The following KDM4B variants were observed in gnomAD, a reference collection of about 807,000 sequenced individuals.
The protein encoded by KDM4B is lysine demethylase 4B.
A neutral mutation model predicts 125.2 loss-of-function variants in KDM4B; 32 were observed. The observed-to-expected ratio is 0.26, with a 90% CI of 0.19 to 0.34. The LOEUF (loss-of-function observed/expected upper bound fraction) is 0.34, where lower values mean the gene tolerates loss of function less well. Ranked by LOEUF, KDM4B falls within the 10% of genes least tolerant of loss-of-function variation. The probability of loss-of-function intolerance (pLI) is 1.00; values close to 1 mark genes in which losing one functional copy is unlikely to be tolerated. For synonymous variants in KDM4B, 721 were observed against 677.9 expected, an observed-to-expected ratio of 1.06 and a Z score of -0.99; for missense variants, 1,190 against 1,577.7, an observed-to-expected ratio of 0.75 and a Z score of 4.16.
chr19:4,984,857 G>A (rs1445693167), intron 1 of KDM4B, among the ~76,000 whole-genome samples: 1 of 152,060 alleles, frequency 6.6e-6, no homozygotes, highest in East Asian at 1.9e-4. Context: ...TGTACCTGGG[G>A]GTCTGGCACC....
chr19:5,028,915 T>A (rs775823164), intron 2 of KDM4B, among the ~76,000 whole-genome samples: 1 of 152,094 alleles, frequency 6.6e-6, no homozygotes, highest in Non-Finnish European at 1.5e-5. Context: ...TTTTTGCTGG[T>A]TTTTTAGACA....
chr19:4,971,580 G>C lies in KDM4B; in HGVS notation c.-109+2350G>C, dbSNP rs1010307904. ...GCGTTCACCTGGTCTGGGGCTGCTAGGTTTCCAGTGCCGAGTGCCATGCCG... is the reference window on the plus strand; with the variant it reads ...GCGTTCACCTGGTCTGGGGCTGCTACGTTTCCAGTGCCGAGTGCCATGCCG... On this transcript the variant is annotated intron_variant, in intron 1 of 22. Coordinates refer to ENST00000159111, the MANE Select transcript of KDM4B (RefSeq NM_015015.3). This position sits in a 1 kb window ranked among gnomAD's most constrained non-coding sequence, Gnocchi z 4.1. Among the ~76,000 whole-genome samples, 2 of 152,168 alleles carry C rather than the reference G, an allele frequency of 1.3e-5. No individual in the cohort carries two copies. The highest frequency in any genetic ancestry group is 1.9e-4 in the East Asian group (1 of 5,198).
chr19:5,000,662 T>C (rs1429510629), intron 1 of KDM4B, among the ~76,000 whole-genome samples: 1 of 152,230 alleles, frequency 6.6e-6, no homozygotes, highest in Non-Finnish European at 1.5e-5. Context: ...CAAACTGTAT[T>C]TAAAAGTTTA....
chr19:5,091,444 G>A (rs1406361379), intron 9 of KDM4B, among the ~76,000 whole-genome samples: 1 of 152,092 alleles, frequency 6.6e-6, no homozygotes, highest in Non-Finnish European at 1.5e-5. Context: ...GCTGAGCTTG[G>A]GAAGGGGACG....
chr19:5,033,907 G>A (rs1305564870), intron 3 of KDM4B, among the ~76,000 whole-genome samples: 1 of 152,242 alleles, frequency 6.6e-6, no homozygotes, highest in East Asian at 1.9e-4. Context: ...GAGGCAGGGG[G>A]ATTGCTTGAG....
chr19:5,146,622 T>C (rs533236404), intron 21 of KDM4B, among the ~76,000 whole-genome samples: 1 of 152,150 alleles, frequency 6.6e-6, no homozygotes, highest in Non-Finnish European at 1.5e-5. Flanking sequence ...GCAGCTCTTC[T>C]CTCAGGTTAT....
At chr19:5,047,743 G>A in intron 6 of KDM4B, 74 bp downstream of exon 6, 1 of 1,476,290 alleles carries the variant, frequency 6.8e-7, no homozygotes, top group Non-Finnish European at 9.3e-7. Flanking sequence ...CGGGTACACG[G>A]CTGGGCGCCG....
At chr19:5,019,425 CGTTGGTGTGCGGGT>C (rs1290868503) in intron 2 of KDM4B, among the ~76,000 whole-genome samples, 2 of 81,282 alleles carry the variant, frequency 2.5e-5, no homozygotes, top group Non-Finnish European at 4.7e-5. Context: ...CTGGTGTGGA[CGTTGGTGTGCGGGT>C]GTTGGTGTGC....
At chr19:5,020,027 G>A (rs2036053851) in intron 2 of KDM4B, among the ~76,000 whole-genome samples, 1 of 147,596 alleles carries the variant, frequency 6.8e-6, no homozygotes, top group African/African-American at 2.5e-5. Flanking sequence ...GCAGGTGTTG[G>A]TGTGGACGTT....
chr19:5,106,406 C>T (rs1222958746), intron 9 of KDM4B, among the ~76,000 whole-genome samples: 1 of 152,280 alleles, frequency 6.6e-6, no homozygotes, highest in East Asian at 1.9e-4. Flanking sequence ...ACGTTGCACC[C>T]GTCATCTGCA....
At position 5,003,051 on chromosome 19, in the gene KDM4B, C is replaced by G. The variant is rs897977130; in HGVS notation, c.-108-13206C>G. 3.9e-5 allele frequency among the ~76,000 whole-genome samples: 6 copies of G among 152,348 alleles called. No homozygotes were observed. The East Asian group carries it at 1.2e-3, about 29-fold the overall frequency. ...TCTGGGGCTGGAGAGGAGTTCACCT[C>G]GTTTTTTTCTGGCTCTCGTATGATT... On this transcript the variant is annotated intron_variant, in intron 1 of 22. Transcript: ENST00000159111.
chr19:5,059,365 G>A (rs1599527633), intron 6 of KDM4B, among the ~76,000 whole-genome samples: 1 of 152,224 alleles, frequency 6.6e-6, no homozygotes, highest in South Asian at 2.1e-4. Flanking sequence ...CGATGACAGC[G>A]ATGCTAATGG....
At position 5,033,040 on chromosome 19, in the gene KDM4B, C is replaced by T. The variant is rs2036507535; in HGVS notation, c.141+9C>T. 6.2e-7 allele frequency: 1 copy of T among 1,612,090 alleles called. No homozygotes were observed. Among genetic ancestry groups the T allele is most frequent in the Non-Finnish European group, 8.5e-7 (1 of 1,179,218 alleles). On this transcript the variant is annotated intron_variant, in intron 3 of 22. Coordinates refer to ENST00000159111, the MANE Select transcript of KDM4B (RefSeq NM_015015.3). ...GGGCGGGCCTGGCCAAGGTGGGTGACATCCTGGCCCCAGCGCGGCCCTCCA... is the reference window on the plus strand; with the variant it reads ...GGGCGGGCCTGGCCAAGGTGGGTGATATCCTGGCCCCAGCGCGGCCCTCCA...
intron 2 of KDM4B, among the ~76,000 whole-genome samples, chr19:5,018,308 G>T (rs534766265): frequency 6.6e-6 from 1 of 152,326 alleles, no homozygotes; most frequent in South Asian, 2.1e-4. Flanking sequence ...GGTCACAGGC[G>T]TGAGTCACCT....
rs534217160 is a variant in KDM4B, at chr19:5,094,538, C to T, written c.918+12034C>T. 2.1e-4 allele frequency among the ~76,000 whole-genome samples: 32 copies of T among 150,590 alleles called. No individual in the cohort carries two copies. In the East Asian group the frequency reaches 4.8e-3, roughly 22 times the overall value. Reference sequence around the variant, plus strand: ...CCGGCGTGGATGGCCGCCGTCTAGACGGGCATGGGGTCTGTGGGCGTGGGA... The same window carrying T: ...CCGGCGTGGATGGCCGCCGTCTAGATGGGCATGGGGTCTGTGGGCGTGGGA... On this transcript the variant is annotated intron_variant, in intron 9 of 22. Coordinates refer to ENST00000159111, the MANE Select transcript of KDM4B (RefSeq NM_015015.3).
chr19:5,067,902 C>T (rs1174386105), intron 6 of KDM4B, among the ~76,000 whole-genome samples: 3 of 152,050 alleles, frequency 2.0e-5, no homozygotes, highest in South Asian at 2.1e-4. Context: ...TGATTTTGGC[C>T]GTGAAGTTTG....
At chr19:5,136,640 C>G (rs1248341034) in intron 15 of KDM4B, among the ~76,000 whole-genome samples, 6 of 152,104 alleles carry the variant, frequency 3.9e-5, no homozygotes, top group African/African-American at 9.7e-5. Flanking sequence ...GACGCCCCCA[C>G]CCCCAGCCGT....
At chr19:5,107,405 C>T (rs1049040158) in intron 9 of KDM4B, among the ~76,000 whole-genome samples, 2 of 152,204 alleles carry the variant, frequency 1.3e-5, no homozygotes, top group South Asian at 2.1e-4. Context: ...TTGGAGCGGG[C>T]GGGGCCTGTT....
chr19:4,981,577 C>T (rs559707252), intron 1 of KDM4B, among the ~76,000 whole-genome samples: 1 of 152,284 alleles, frequency 6.6e-6, no homozygotes, highest in Non-Finnish European at 1.5e-5. Context: ...CTGGACGTCC[C>T]CCCAGGAGGT....
Sources: allele counts gnomAD v4.1 joint callset (sites outside exome capture counted in the v4.1 genomes callset), GRCh38; gene constraint gnomAD v4.1.1; non-coding constraint Gnocchi (gnomAD v3.1); transcripts MANE v1.5; gene names NCBI Gene and HGNC (gene_info 2026-07-23, HGNC 2026-07-21).